The following DOCK3 variants were observed in gnomAD, a reference collection of about 807,000 sequenced individuals.
DOCK3 encodes dedicator of cytokinesis 3.
In DOCK3, 60 loss-of-function variants were observed where a neutral mutation model predicts 265.6. The ratio of observed to expected loss-of-function variants is 0.23; its 90% CI spans 0.18 to 0.28. The LOEUF is 0.28. Ranked by LOEUF, DOCK3 falls within the 10% of genes least tolerant of loss-of-function variation. The pLI is 1.00. For missense variants in DOCK3, 1,981 were observed against 2,594.3 expected, an observed-to-expected ratio of 0.76 and a Z score of 5.14; for synonymous variants, 881 against 938.0, an observed-to-expected ratio of 0.94 and a Z score of 1.11.
chr3:50,779,391 AT>A (rs1019825013), intron 2 of DOCK3, among the ~76,000 whole-genome samples: 7 of 150,784 alleles, frequency 4.6e-5, no homozygotes, highest in African/African-American at 7.3e-5. Context: ...TTGTTTATTT[AT>A]TTTTTTTTGA....
chr3:51,319,065 A>T (rs1300786584), intron 32 of DOCK3, among the ~76,000 whole-genome samples: 1 of 152,124 alleles, frequency 6.6e-6, no homozygotes, highest in African/African-American at 2.4e-5. Flanking sequence ...CACATCAGCC[A>T]GGACCTCCAG....
intron 14 of DOCK3, among the ~76,000 whole-genome samples, chr3:51,220,891 A>G (rs565281725): frequency 6.6e-6 from 1 of 151,828 alleles, no homozygotes; most frequent in East Asian, 1.9e-4. Flanking sequence ...ATGGGCTAGC[A>G]CTAATGAAAC....
intron 10 of DOCK3, among the ~76,000 whole-genome samples, chr3:51,158,848 T>C (rs2085989528): frequency 6.6e-6 from 1 of 152,190 alleles, no homozygotes; most frequent in African/African-American, 2.4e-5. Flanking sequence ...TTATAGAATT[T>C]TAGTTATTGA....
At chr3:51,149,899 A>G (rs1026716167) in intron 10 of DOCK3, among the ~76,000 whole-genome samples, 2 of 152,310 alleles carry the variant, frequency 1.3e-5, no homozygotes, top group Non-Finnish European at 2.9e-5. Flanking sequence ...TAATTGGAAT[A>G]GTTTCAGAAG....
chr3:50,870,699 A>G (rs2047393841), intron 3 of DOCK3, among the ~76,000 whole-genome samples: 1 of 150,616 alleles, frequency 6.6e-6, no homozygotes, highest in Admixed American at 6.6e-5. Context: ...CTTTCTTTCC[A>G]TTCTATCTTC....
chr3:51,321,695 T>C (rs2083740075), intron 32 of DOCK3, among the ~76,000 whole-genome samples: 1 of 151,820 alleles, frequency 6.6e-6, no homozygotes, highest in Non-Finnish European at 1.5e-5. Context: ...CAAGTATCAA[T>C]AGCCAAATTG....
chr3:51,342,038 C>T (rs1576868857), intron 38 of DOCK3, among the ~76,000 whole-genome samples: 1 of 152,198 alleles, frequency 6.6e-6, no homozygotes, highest in South Asian at 2.1e-4. Flanking sequence ...GCTGGAAAAA[C>T]TTGTTGAAGC....
chr3:50,843,695 G>T (rs146262267), intron 3 of DOCK3, among the ~76,000 whole-genome samples: 143 of 152,098 alleles, frequency 9.4e-4, no homozygotes, highest in African/African-American at 3.3e-3. Flanking sequence ...GGCTAATGTG[G>T]TATTCAGAGA....
chr3:50,944,345 G>C (rs1369970633), intron 5 of DOCK3, among the ~76,000 whole-genome samples: 1 of 152,144 alleles, frequency 6.6e-6, no homozygotes, highest in East Asian at 1.9e-4. Flanking sequence ...AATGAGATTT[G>C]TCATTAGAGA....
intron 4 of DOCK3, among the ~76,000 whole-genome samples, chr3:50,933,386 A>G (rs912535271): frequency 2.6e-5 from 4 of 152,238 alleles, no homozygotes; most frequent in African/African-American, 9.6e-5. Context: ...GATGCTGCTT[A>G]TGAAGTAGTC....
At chr3:51,131,533 G>C (rs1292035016) in intron 9 of DOCK3, among the ~76,000 whole-genome samples, 1 of 152,170 alleles carries the variant, frequency 6.6e-6, no homozygotes, top group Non-Finnish European at 1.5e-5. Context: ...TCTGGAAATT[G>C]ATTCGGGGCC....
intron 24 of DOCK3, among the ~76,000 whole-genome samples, chr3:51,273,140 C>A (rs1436546754): frequency 2.1e-5 from 3 of 144,490 alleles, no homozygotes; most frequent in Non-Finnish European, 3.0e-5. Context: ...CCAGCCTGGG[C>A]GACAGAGTGA....
intron 3 of DOCK3, among the ~76,000 whole-genome samples, chr3:50,872,684 AGAGTCAAAAACCTTAGAAGTCTACCTTAT>A (rs1239977395): frequency 1.3e-5 from 2 of 152,204 alleles, no homozygotes; most frequent in African/African-American, 2.4e-5. Context: ...GCCAGGGACT[AGAGTCAAAAACCTTAGAAGTCTACCTTAT>A]GTTCTCTTGT....
intron 1 of DOCK3, among the ~76,000 whole-genome samples, chr3:50,709,592 G>A (rs1278462340): frequency 6.6e-6 from 1 of 152,088 alleles, no homozygotes; most frequent in Non-Finnish European, 1.5e-5. Context: ...TTGGGAGGCC[G>A]AGGTGGGCCT....
At chr3:51,326,598 G>A (rs2084139470) in intron 32 of DOCK3, among the ~76,000 whole-genome samples, 1 of 147,064 alleles carries the variant, frequency 6.8e-6, no homozygotes. Context: ...TGTTGTTGTT[G>A]TTGTTGTTGT....
At chr3:50,799,119 C>G (rs1002290330) in intron 2 of DOCK3, among the ~76,000 whole-genome samples, 3 of 152,054 alleles carry the variant, frequency 2.0e-5, no homozygotes, top group Admixed American at 6.6e-5. Context: ...GTTTTGGTTA[C>G]TATTGCTTTG....
chr3:51,351,459 C>T (rs897363055), intron 40 of DOCK3, among the ~76,000 whole-genome samples: 1 of 152,228 alleles, frequency 6.6e-6, no homozygotes, highest in Non-Finnish European at 1.5e-5. Flanking sequence ...AACCACATTG[C>T]AGAAGTAAGG....
At chr3:50,797,647 A>G (rs184928166) in intron 2 of DOCK3, among the ~76,000 whole-genome samples, 2 of 152,340 alleles carry the variant, frequency 1.3e-5, no homozygotes, top group African/African-American at 4.8e-5. Context: ...AGCACAGCAT[A>G]TAAGGGTTCT....
chr3:50,828,398 CT>C (rs1383672120), intron 2 of DOCK3, among the ~76,000 whole-genome samples: 3 of 151,936 alleles, frequency 2.0e-5, no homozygotes, highest in African/African-American at 7.3e-5. Context: ...ATTTTTTACC[CT>C]TTTCTTTTCT....
Sources: gnomAD v4.1 joint callset for allele counts (sites outside exome capture counted in the v4.1 genomes callset) on GRCh38, gnomAD v4.1.1 for gene constraint, MANE v1.5 for transcripts, NCBI Gene and HGNC (gene_info 2026-07-23, HGNC 2026-07-21) for gene names.